The following USP32 variants were observed in gnomAD, a reference collection of about 807,000 sequenced individuals.
USP32 encodes ubiquitin specific peptidase 32.
Under a neutral mutation model 204.8 loss-of-function variants are expected in USP32, and 59 were observed. The observed-to-expected ratio is 0.29, with a 90% CI of 0.23 to 0.36. The LOEUF is 0.36. USP32 is among the 10% of genes least tolerant of loss of function. The pLI is 1.00. For synonymous variants in USP32, 517 were observed against 678.4 expected (o/e 0.76, Z 3.70); for missense variants, 1,160 against 1,946.4 (o/e 0.60, Z 7.60).
chr17:60,184,343 C>T (rs1259476524), intron 30 of USP32, among the ~76,000 whole-genome samples: 1 of 151,010 alleles, frequency 6.6e-6, no homozygotes, highest in African/African-American at 2.4e-5. Context: ...TCTCCCCCTC[C>T]TCCCCACCCA....
In USP32 at chr17:60,244,029, G is replaced by GTTTTTTTTTTTTTT. The variant is rs34842511; in HGVS notation, c.1137-7803_1137-7790dup. Among the ~76,000 whole-genome samples, 42 of 71,692 alleles carry GTTTTTTTTTTTTTT rather than the reference G, an allele frequency of 5.9e-4. 8 individuals are homozygous for GTTTTTTTTTTTTTT. Among genetic ancestry groups the GTTTTTTTTTTTTTT allele is most frequent in the African/African-American group, 2.8e-3 (39 of 14,180 alleles). The allele number at this position is 71,692 out of a possible 152,430, so 47.0% of individuals were successfully genotyped here. A position where few individuals can be genotyped will look rare whatever the true frequency, so the allele number is the denominator to read the frequency against. ...TTTGAATCTCAAGTAGCTGGATTGT[G>GTTTTTTTTTTTTTT]TTTTTTTTTTTTTTTTTTTTTTTTG... is the stretch of plus-strand genomic sequence containing the variant. On this transcript the variant is annotated intron_variant, in intron 11 of 33. Transcript: ENST00000300896.
chr17:60,394,329 ATAC>A (rs753463059), upstream of USP32, among the ~76,000 whole-genome samples: 4 of 152,180 alleles, frequency 2.6e-5, no homozygotes, highest in Non-Finnish European at 4.4e-5. Flanking sequence ...ATTGCAACAT[ATAC>A]TACTATTATT....
In USP32 at chr17:60,223,593, A is replaced by C; in HGVS notation, c.1433-7T>G. On this transcript the variant is annotated splice_polypyrimidine_tract_variant and splice_region_variant and intron_variant, in intron 13 of 33. Coordinates refer to ENST00000300896, the MANE Select transcript of USP32 (RefSeq NM_032582.4). ...GTGGCAGAATACAGAAAGCCTATAA[A>C]AAAAAAAGAGGATAGAATCTCTTAT... 1.3e-6 allele frequency: 2 copies of C among 1,578,598 alleles called. No homozygotes were observed. The highest frequency in any genetic ancestry group is 2.4e-5 in the South Asian group (2 of 84,844).
intron 1 of USP32, among the ~76,000 whole-genome samples, chr17:60,419,732 CA>C (rs774695354): frequency 0.017 from 1,411 of 82,152 alleles, 26 homozygotes; most frequent in African/African-American, 0.053. Flanking sequence ...GACACCATCT[CA>C]AAAAAAAAAA....
chr17:60,362,866 G>A (rs1406086870), intron 1 of USP32, among the ~76,000 whole-genome samples: 2 of 150,716 alleles, frequency 1.3e-5, no homozygotes, highest in Non-Finnish European at 3.0e-5. Flanking sequence ...AAACACCTTA[G>A]TCAAAAGGCA....
At position 60,177,469 on chromosome 17, in the gene USP32, G is replaced by A. The variant is rs2083994933; in HGVS notation, c.*1786C>T. Among the ~76,000 whole-genome samples the A allele has an allele frequency of 6.6e-6, 1 of 152,130 alleles. No homozygotes were observed. The highest frequency in any genetic ancestry group is 1.5e-5 in the Non-Finnish European group (1 of 68,032). The stretch of plus-strand genomic sequence containing the variant: ...AGTTAATTTAATAAATTTTCTGCTA[G>A]TTCATGAATTAAAAAAATTAATTAC... On this transcript the variant is annotated 3_prime_UTR_variant, in exon 34 of 34. Transcript: ENST00000300896.
chr17:60,354,840 G>C (rs1330014150), intron 1 of USP32, among the ~76,000 whole-genome samples: 2 of 152,204 alleles, frequency 1.3e-5, no homozygotes, highest in Non-Finnish European at 2.9e-5. Flanking sequence ...AAGGTCAGGA[G>C]TTCGAAACCA....
chr17:60,202,443 T>TCACACACACACACA lies in USP32; in HGVS notation c.3249+2990_3249+3003dup, dbSNP rs377613629. ...CACATATGAGAATCAGCTTATCAAA[T>TCACACACACACACA]CACACACACACACACACACACACAC... On this transcript the variant is annotated intron_variant, in intron 26 of 33. Transcript: ENST00000300896. Among the ~76,000 whole-genome samples, 208 of 140,720 alleles carry TCACACACACACACA rather than the reference T, an allele frequency of 1.5e-3. 1 individual carries two copies. The highest frequency in any genetic ancestry group is 2.6e-3 in the African/African-American group (100 of 38,208). 92.3% of individuals were successfully genotyped at this position (140,720 alleles called of 152,430 possible).
intron 2 of USP32, among the ~76,000 whole-genome samples, chr17:60,308,812 C>A (rs371406100): frequency 6.6e-6 from 1 of 152,118 alleles, no homozygotes; most frequent in African/African-American, 2.4e-5. Context: ...CCTGTAATCC[C>A]AGCTACTCAG....
chr17:60,250,464 C>T (rs2086138395), intron 11 of USP32, among the ~76,000 whole-genome samples: 1 of 151,844 alleles, frequency 6.6e-6, no homozygotes, highest in African/African-American at 2.4e-5. Flanking sequence ...TTGTAATATT[C>T]TAAGAAAAAA....
At chr17:60,255,038 T>C (rs2086258775) in intron 10 of USP32, 137 bp downstream of exon 10, 1 of 582,000 alleles carries the variant, frequency 1.7e-6, no homozygotes, top group Non-Finnish European at 2.9e-6. Context: ...TTCAGACGAG[T>C]AATGTAGTTC....
intron 1 of USP32, among the ~76,000 whole-genome samples, chr17:60,407,595 A>G (rs2089986574): frequency 6.6e-6 from 1 of 152,072 alleles, no homozygotes; most frequent in Non-Finnish European, 1.5e-5. Flanking sequence ...TTAAGGGAAG[A>G]CTACAAAATA....
intron 1 of USP32, among the ~76,000 whole-genome samples, chr17:60,407,741 C>T (rs960933745): frequency 6.9e-6 from 1 of 144,366 alleles, no homozygotes; most frequent in African/African-American, 2.6e-5. Flanking sequence ...GAGATTAAGC[C>T]ACTGTGCTCC....
chr17:60,304,604 A>G (rs1383069852), intron 2 of USP32, among the ~76,000 whole-genome samples: 1 of 152,232 alleles, frequency 6.6e-6, no homozygotes, highest in Non-Finnish European at 1.5e-5. Context: ...AAGTGTCTTT[A>G]TAGAATATGT....
chr17:60,327,772 C>T (rs971822353), intron 2 of USP32, among the ~76,000 whole-genome samples: 6 of 152,228 alleles, frequency 3.9e-5, no homozygotes, highest in Non-Finnish European at 8.8e-5. Context: ...GCTCCTGCTG[C>T]CTGGCCTCTC....
At chr17:60,342,543 T>C (rs1236833055) in intron 2 of USP32, among the ~76,000 whole-genome samples, 1 of 152,224 alleles carries the variant, frequency 6.6e-6, no homozygotes, top group Non-Finnish European at 1.5e-5. Flanking sequence ...AAGTGGAGTC[T>C]AGAGGCAGTA....
Position 60,266,082 on chromosome 17 carries a change from T to G in USP32, c.821A>C (p.Lys274Thr). The G allele has an allele frequency of 6.2e-7, 1 of 1,613,234 alleles. No homozygotes were observed. Among genetic ancestry groups the G allele is most frequent in the Non-Finnish European group, 8.5e-7 (1 of 1,179,360 alleles). The change falls in exon 8 of 34, where the codon AAG (lysine) becomes ACG (threonine). Residue 274 changes from lysine to threonine, a missense_variant. Physicochemically the swap from Lys to Thr is moderately conservative, Grantham distance 78 (BLOSUM62 -1). Transcript: ENST00000300896. Reference protein sequence around the residue: ...PLAERQKFCFKVFDVDRDGVL... With the variant: ...PLAERQKFCFTVFDVDRDGVL... Reference sequence around the variant, plus strand: ...TCCATCACGGTCAACATCAAATACCTTGAAGCAAACTAATGAAAAGAAACT... The same window carrying G: ...TCCATCACGGTCAACATCAAATACCGTGAAGCAAACTAATGAAAAGAAACT...
At chr17:60,252,170 G>A (rs1028880327) in intron 11 of USP32, among the ~76,000 whole-genome samples, 1 of 151,988 alleles carries the variant, frequency 6.6e-6, no homozygotes. Flanking sequence ...AGTATTCAGT[G>A]CAATTTTAAT....
chr17:60,274,212 C>G (rs2086791242), intron 5 of USP32, among the ~76,000 whole-genome samples: 1 of 151,810 alleles, frequency 6.6e-6, no homozygotes. Flanking sequence ...ATAAACTAGA[C>G]AGGAAAGATT....
Sources: gnomAD v4.1 joint callset for allele counts (sites outside exome capture counted in the v4.1 genomes callset) on GRCh38, gnomAD v4.1.1 for gene constraint, MANE v1.5 for transcripts, NCBI Gene and HGNC (gene_info 2026-07-23, HGNC 2026-07-21) for gene names.